Variants in NFS1 observed in about 807,000 individuals in gnomAD.
NFS1 encodes the protein cysteine desulfurase.
A neutral mutation model predicts 57.3 loss-of-function variants in NFS1; 26 were observed. That is an observed-to-expected ratio of 0.45 (90% CI 0.33 to 0.63). NFS1 has a LOEUF of 0.63. NFS1 is among the 20% of genes least tolerant of loss of function. The probability of loss-of-function intolerance (pLI) is 0.02; values close to 1 mark genes in which losing one functional copy is unlikely to be tolerated. For missense variants in NFS1, 505 were observed against 605.8 expected, an observed-to-expected ratio of 0.83 and a Z score of 1.75; for synonymous variants, 209 against 216.3, an observed-to-expected ratio of 0.97 and a Z score of 0.30.
In NFS1 at chr20:35,677,180, T is replaced by C. The variant is rs369466673; in HGVS notation, c.791-1978A>G. ...GCACCTGGCTGTCTGTGCACTTTTT[T>C]GTAGCTTTTGAATTTTGAATCACAT... On this transcript the variant is annotated intron_variant, in intron 7 of 12. Coordinates refer to ENST00000374092, the MANE Select transcript of NFS1 (RefSeq NM_021100.5). 4.6e-5 allele frequency among the ~76,000 whole-genome samples: 7 copies of C among 152,328 alleles called. No homozygotes were observed. In the South Asian group the frequency reaches 1.5e-3, roughly 32 times the overall value.
intron 7 of NFS1, among the ~76,000 whole-genome samples, chr20:35,676,763 A>C (rs2034754032): frequency 7.1e-6 from 1 of 141,772 alleles, no homozygotes; most frequent in Admixed American, 7.0e-5. Flanking sequence ...AATCAGAAAA[A>C]AAAAAAAAAA....
chr20:35,689,526 T>A (rs2035004401), intron 5 of NFS1, among the ~76,000 whole-genome samples: 2 of 152,084 alleles, frequency 1.3e-5, no homozygotes, highest in South Asian at 4.2e-4. Context: ...CCCAGCACTT[T>A]GGGAGGCCGA....
intron 7 of NFS1, among the ~76,000 whole-genome samples, chr20:35,676,758 GAAAAAAAAAAAAAA>G (rs746820595): frequency 5.5e-5 from 1 of 18,136 alleles, no homozygotes; most frequent in African/African-American, 2.6e-4. Context: ...GAGAAAATCA[GAAAAAAAAAAAAAA>G]AAAAAAAAAA....
chr20:35,681,242 A>C (rs2034843840), intron 6 of NFS1, among the ~76,000 whole-genome samples: 1 of 152,230 alleles, frequency 6.6e-6, no homozygotes, highest in Admixed American at 6.5e-5. Context: ...TAAAAAAAAA[A>C]AAACAAGATT....
At chr20:35,676,770 A>AAAAAAAAAAAAAAAAC (rs2034754789) in intron 7 of NFS1, among the ~76,000 whole-genome samples, 1 of 148,092 alleles carries the variant, frequency 6.8e-6, no homozygotes, top group African/African-American at 2.5e-5. Flanking sequence ...AAAAAAAAAA[A>AAAAAAAAAAAAAAAAC]AAAAAAAAAA....
chr20:35,669,575 G>C lies in NFS1; in HGVS notation c.*47C>G, dbSNP rs981641895. On this transcript the variant is annotated 3_prime_UTR_variant, in exon 13 of 13. Transcript: ENST00000374092. ...AAGGTGTCTGGTTGTGCACGGGTTGGTGAGGCAGGAGGGGCCAGACCAGCA... is the reference window on the plus strand; with the variant it reads ...AAGGTGTCTGGTTGTGCACGGGTTGCTGAGGCAGGAGGGGCCAGACCAGCA... 1.3e-5 allele frequency: 20 copies of C among 1,571,208 alleles called. No homozygotes were observed. The highest frequency in any genetic ancestry group is 1.7e-5 in the Non-Finnish European group (19 of 1,140,994).
At position 35,673,703 on chromosome 20, in the gene NFS1, A is replaced by T; in HGVS notation, c.1137-19T>A. ...GCAGGCACTGAGGAGAGAGACACGA[A>T]CCTTGTTCAGTTCATCATCAACGTC... On this transcript the variant is annotated intron_variant, in intron 10 of 12. Coordinates refer to ENST00000374092, the MANE Select transcript of NFS1 (RefSeq NM_021100.5). The T allele has an allele frequency of 6.2e-7, 1 of 1,600,438 alleles. No individual in the cohort carries two copies. The highest frequency in any genetic ancestry group is 8.6e-7 in the Non-Finnish European group (1 of 1,168,066).
intron 6 of NFS1, among the ~76,000 whole-genome samples, chr20:35,681,323 C>T (rs1015567235): frequency 1.3e-5 from 2 of 151,546 alleles, no homozygotes; most frequent in African/African-American, 4.8e-5. Context: ...TAGAGATGTT[C>T]TAAAAGGAAA....
chr20:35,674,900 A>G, intron 8 of NFS1, 145 bp downstream of exon 8: 1 of 1,081,378 alleles, frequency 9.2e-7, no homozygotes, highest in South Asian at 1.4e-5. Context: ...CCCTCAGAAC[A>G]AGGTGCCAGC....
chr20:35,697,792 C>G lies in NFS1; in HGVS notation c.216G>C (p.Arg72=), dbSNP rs1196368918. The change falls in exon 3 of 13, where the codon CGG becomes CGC. Residue 72 remains arginine, a synonymous_variant. Coordinates refer to ENST00000374092, the MANE Select transcript of NFS1 (RefSeq NM_021100.5). ...DVQATTPLDP[R]VLDAMLPYLI... is the part of the protein sequence containing the mutation. Reference sequence around the variant, plus strand: ...GGTAAGGGAGCATGGCATCAAGCACCCGGGGGTCCTGAACACAACAGAACA... The same window carrying G: ...GGTAAGGGAGCATGGCATCAAGCACGCGGGGGTCCTGAACACAACAGAACA... The G allele has an allele frequency of 1.2e-6, 2 of 1,611,188 alleles. No individual in the cohort carries two copies. Among genetic ancestry groups the G allele is most frequent in the Non-Finnish European group, 1.7e-6 (2 of 1,177,868 alleles).
At chr20:35,688,899 C>CTGAA (rs2034992080) in intron 5 of NFS1, among the ~76,000 whole-genome samples, 1 of 151,936 alleles carries the variant, frequency 6.6e-6, no homozygotes, top group Middle Eastern at 3.2e-3. Context: ...TGATTGATGA[C>CTGAA]TGAATGTAAA....
In NFS1 at chr20:35,684,773, A is replaced by G. The variant is rs147816603; in HGVS notation, c.562-2792T>C. 2.0e-5 allele frequency among the ~76,000 whole-genome samples: 3 copies of G among 151,814 alleles called. No homozygotes were observed. The East Asian group carries it at 5.8e-4, about 29-fold the overall frequency. ...CTCAATAAAAAATAAATAAAAAATA[A>G]ATAAATATAGCTGGGGATGGTGGCT... On this transcript the variant is annotated intron_variant, in intron 5 of 12. Coordinates refer to ENST00000374092, the MANE Select transcript of NFS1 (RefSeq NM_021100.5).
At chr20:35,674,977 G>GA in intron 8 of NFS1, 68 bp downstream of exon 8, 1 of 1,595,650 alleles carries the variant, frequency 6.3e-7, no homozygotes, top group Middle Eastern at 1.8e-4. Flanking sequence ...CAGTCATGCT[G>GA]AGAAGCCTCT....
intron 7 of NFS1, among the ~76,000 whole-genome samples, chr20:35,680,364 T>C (rs1438640149): frequency 6.6e-6 from 1 of 151,806 alleles, no homozygotes; most frequent in Non-Finnish European, 1.5e-5. Context: ...CCCTGAGCTA[T>C]AGCAAGACAC....
rs775918792 is a variant in NFS1, at chr20:35,690,403, C to T, written c.561+10G>A. The T allele has an allele frequency of 2.5e-6, 4 of 1,609,572 alleles. No individual in the cohort carries two copies. In the East Asian group the frequency reaches 8.9e-5, roughly 36 times the overall value. On this transcript the variant is annotated intron_variant, in intron 5 of 12. Coordinates refer to ENST00000374092, the MANE Select transcript of NFS1 (RefSeq NM_021100.5). ...CCATTTTTGCTCCTCCTGCCAATAG[C>T]CACTCCTACCTTTAGGTCAATGATC...
At chr20:35,675,323 A>G (rs989840689) in intron 7 of NFS1, 121 bp from the exon 8 acceptor site, 2 of 1,081,946 alleles carry the variant, frequency 1.8e-6, no homozygotes, top group African/African-American at 3.2e-5. Flanking sequence ...ATTTTTCTAA[A>G]TAAAAAACGT....
Position 35,699,042 on chromosome 20 carries a change from C to T in NFS1, c.97+150G>A. 7.6e-7 allele frequency: 1 copy of T among 1,318,832 alleles called. No homozygotes were observed. The highest frequency in any genetic ancestry group is 2.1e-5 in the South Asian group (1 of 46,722). 81.7% of individuals were successfully genotyped at this position (1,318,832 alleles called of 1,614,324 possible). ...CGCCGGGGTCAACCGTTCGGGGACC[C>T]GCCTAAGAAAGTTTGAGGGATGTGT... On this transcript the variant is annotated intron_variant, in intron 1 of 12. Coordinates refer to ENST00000374092, the MANE Select transcript of NFS1 (RefSeq NM_021100.5). This position sits in a 1 kb window ranked among gnomAD's most constrained non-coding sequence, Gnocchi z 4.4.
In NFS1 at chr20:35,674,451, T is replaced by C. The variant is rs755173826; in HGVS notation, c.1055-20A>G. 9.9e-6 allele frequency: 16 copies of C among 1,613,000 alleles called. No homozygotes were observed. The Admixed American group carries it at 2.5e-4, about 25-fold the overall frequency. ...TACAGCCTGGAGGAAAGAAATACTG[T>C]GAGAGAGGTCTCAGAGTCTCAGCCT... is the stretch of plus-strand genomic sequence containing the variant. On this transcript the variant is annotated intron_variant, in intron 9 of 12. Coordinates refer to ENST00000374092, the MANE Select transcript of NFS1 (RefSeq NM_021100.5).
intron 11 of NFS1, 60 bp downstream of exon 11, chr20:35,673,541 A>C: frequency 7.0e-7 from 1 of 1,430,740 alleles, no homozygotes; most frequent in South Asian, 1.2e-5. Flanking sequence ...AAAAACTGTA[A>C]CAGGAGATGA....
Sources: gnomAD v4.1 joint callset for allele counts (sites outside exome capture counted in the v4.1 genomes callset) on GRCh38, gnomAD v4.1.1 for gene constraint, Gnocchi (gnomAD v3.1) non-coding constraint, MANE v1.5 for transcripts, NCBI Gene and HGNC (gene_info 2026-07-23, HGNC 2026-07-21) for gene names.